The following SLC2A14 variants were observed in gnomAD, a reference collection of about 807,000 sequenced individuals.
SLC2A14 encodes the protein solute carrier family 2 member 14, also known as solute carrier family 2, facilitated glucose transporter member 14.
SLC2A14 carries 13 observed loss-of-function variants against 43.0 expected under a neutral mutation model. The ratio of observed to expected loss-of-function variants is 0.30; its 90% CI spans 0.20 to 0.48. The LOEUF (loss-of-function observed/expected upper bound fraction) is 0.48, where lower values mean the gene tolerates loss of function less well. SLC2A14 is among the 20% of genes least tolerant of loss of function. SLC2A14 has a pLI of 0.99. For missense variants in SLC2A14, 428 were observed against 620.4 expected (o/e 0.69, Z 3.29); for synonymous variants, 190 against 233.8 (o/e 0.81, Z 1.71).
chr12:7,862,505 G>A (rs1006889204), intron 2 of SLC2A14, among the ~76,000 whole-genome samples: 4 of 151,956 alleles, frequency 2.6e-5, no homozygotes, highest in East Asian at 1.9e-4. Context: ...GAGCCTCCCC[G>A]ACGAATGCCG....
intron 2 of SLC2A14, among the ~76,000 whole-genome samples, chr12:7,846,304 T>C (rs1866460246): frequency 6.6e-6 from 1 of 151,998 alleles, no homozygotes; most frequent in African/African-American, 2.4e-5. Flanking sequence ...TTACAGATAT[T>C]TGGATATTTA....
intron 1 of SLC2A14, chr12:7,871,023 C>A: frequency 7.0e-7 from 1 of 1,434,510 alleles, no homozygotes. Flanking sequence ...GACAGCACGA[C>A]AAGCTGGCTT....
At chr12:7,877,835 C>T (rs908243393), upstream of SLC2A14, among the ~76,000 whole-genome samples, 15 of 152,196 alleles carry the variant, frequency 9.9e-5, no homozygotes, top group South Asian at 1.7e-3. Context: ...CTCCACCTCC[C>T]GGGTTCAAGC....
At chr12:7,884,098 T>C (rs767517428) in intron 1 of SLC2A14, among the ~76,000 whole-genome samples, 4 of 110,204 alleles carry the variant, frequency 3.6e-5, no homozygotes, top group Non-Finnish European at 8.1e-5. Flanking sequence ...TAATTTTTTG[T>C]ATTTTTAGTA....
At chr12:7,843,912 T>C (rs1866227017) in intron 2 of SLC2A14, among the ~76,000 whole-genome samples, 1 of 150,388 alleles carries the variant, frequency 6.6e-6, no homozygotes, top group South Asian at 2.1e-4. Flanking sequence ...AACACATTGT[T>C]TTCTAGTGGT....
chr12:7,855,108 A>G (rs1362539241), intron 2 of SLC2A14, among the ~76,000 whole-genome samples: 2 of 151,714 alleles, frequency 1.3e-5, no homozygotes, highest in East Asian at 1.9e-4. Context: ...GCATCCAGCC[A>G]GGTATCGCAC....
At chr12:7,872,763 C>CGG in intron 1 of SLC2A14, 44 bp downstream of exon 1, 2 of 985,254 alleles carry the variant, frequency 2.0e-6, no homozygotes, top group Non-Finnish European at 2.4e-6. Context: ...CTCAGGTCCT[C>CGG]ATTCCCGCAC....
At chr12:7,875,123 AG>A (rs376370913), upstream of SLC2A14, among the ~76,000 whole-genome samples, 648 of 7,026 alleles carry the variant, frequency 0.092, 19 homozygotes, top group Middle Eastern at 0.5. Context: ...ATATTTAAAT[AG>A]TTAAATATAT....
intron 7 of SLC2A14, among the ~76,000 whole-genome samples, chr12:7,826,965 T>C (rs369394312): frequency 5.4e-5 from 4 of 74,198 alleles, no homozygotes; most frequent in Non-Finnish European, 8.5e-5. Context: ...TTCTCTCTCT[T>C]TCTCTCTCTC....
At chr12:7,839,292 A>G (rs1427760859) in intron 2 of SLC2A14, among the ~76,000 whole-genome samples, 5 of 139,950 alleles carry the variant, frequency 3.6e-5, no homozygotes, top group Admixed American at 1.5e-4. Context: ...CACACGAGAA[A>G]GTCAACCTTG....
chr12:7,889,876 C>T (rs903590450), intron 1 of SLC2A14, among the ~76,000 whole-genome samples: 6 of 152,010 alleles, frequency 3.9e-5, no homozygotes, highest in African/African-American at 9.7e-5. Context: ...TGCTAAACAA[C>T]GGGTGGATTA....
intron 2 of SLC2A14, among the ~76,000 whole-genome samples, chr12:7,835,075 T>G (rs1485255944): frequency 6.7e-6 from 1 of 148,624 alleles, no homozygotes; most frequent in East Asian, 2.0e-4. Flanking sequence ...ATTTGATTCC[T>G]TTTGAAATCT....
chr12:7,861,302 T>C (rs1322196329), intron 2 of SLC2A14, among the ~76,000 whole-genome samples: 1 of 152,096 alleles, frequency 6.6e-6, no homozygotes, highest in Non-Finnish European at 1.5e-5. Context: ...AAACTATGTA[T>C]TTCCCCTACA....
chr12:7,850,105 G>A (rs1333327170), intron 2 of SLC2A14, among the ~76,000 whole-genome samples: 1 of 151,622 alleles, frequency 6.6e-6, no homozygotes. Flanking sequence ...TCTTGAAGTT[G>A]GTATTTGGAA....
chr12:7,848,786 C>G (rs910526089), intron 2 of SLC2A14, among the ~76,000 whole-genome samples: 1 of 151,810 alleles, frequency 6.6e-6, no homozygotes, highest in African/African-American at 2.4e-5. Context: ...GAACTCCTGA[C>G]CTCAGGTGAT....
chr12:7,832,926 GA>G, intron 2 of SLC2A14, 112 bp from the exon 3 acceptor site: 4 of 994,086 alleles, frequency 4.0e-6, no homozygotes, highest in Non-Finnish European at 6.0e-6. Flanking sequence ...TGAGTGGTAT[GA>G]AAAGGACAAA....
intron 2 of SLC2A14, among the ~76,000 whole-genome samples, chr12:7,844,549 T>G (rs1866297729): frequency 6.6e-6 from 1 of 151,812 alleles, no homozygotes; most frequent in Non-Finnish European, 1.5e-5. Context: ...ACTCCTTTTT[T>G]TTTTTTAGAC....
intron 1 of SLC2A14, chr12:7,871,393 G>T: frequency 3.1e-6 from 1 of 318,684 alleles, no homozygotes. Context: ...CAGCCCTCGC[G>T]ACACCCTGGC....
intron 1 of SLC2A14, among the ~76,000 whole-genome samples, chr12:7,885,091 C>A (rs1385047500): frequency 4.6e-5 from 7 of 152,102 alleles, no homozygotes. Flanking sequence ...TATTAAAAGC[C>A]TTTAGTTAGA....
Sources: gnomAD v4.1 joint callset for allele counts (sites outside exome capture counted in the v4.1 genomes callset) on GRCh38, gnomAD v4.1.1 for gene constraint, MANE v1.5 for transcripts, NCBI Gene and HGNC (gene_info 2026-07-23, HGNC 2026-07-21) for gene names.